Variants in PDE11A observed in about 807,000 individuals in gnomAD.
PDE11A encodes the protein dual 3',5'-cyclic-AMP and -GMP phosphodiesterase 11A.
In PDE11A, 100 loss-of-function variants were observed where a neutral mutation model predicts 100.5. The observed-to-expected ratio is 1.00, with a 90% CI of 0.85 to 1.18. The LOEUF is 1.18. PDE11A is among the 50% of genes most tolerant of loss of function. The pLI, the probability that PDE11A is intolerant of heterozygous loss-of-function variation, is 0.00. For missense variants in PDE11A, 1,141 were observed against 1,152.6 expected, an observed-to-expected ratio of 0.99 and a Z score of 0.15; for synonymous variants, 381 against 420.8, an observed-to-expected ratio of 0.91 and a Z score of 1.16.
At chr2:177,790,779 T>C (rs1372437917) in intron 9 of PDE11A, among the ~76,000 whole-genome samples, 1 of 152,156 alleles carries the variant, frequency 6.6e-6, no homozygotes, top group Non-Finnish European at 1.5e-5. Flanking sequence ...AAAAGACGCA[T>C]GAAAAAATGC....
At chr2:177,726,869 G>A (rs570226267) in intron 12 of PDE11A, among the ~76,000 whole-genome samples, 140 of 151,870 alleles carry the variant, frequency 9.2e-4, no homozygotes, top group African/African-American at 3.1e-3. Context: ...AGATATGTAC[G>A]TACACATGTG....
intron 2 of PDE11A, among the ~76,000 whole-genome samples, chr2:177,981,947 T>A (rs1001285162): frequency 2.0e-5 from 3 of 150,968 alleles, no homozygotes; most frequent in Admixed American, 1.3e-4. Flanking sequence ...TATTGACTCC[T>A]TTGCCATTCT....
chr2:177,694,322 C>T lies in PDE11A; in HGVS notation c.2345+3010G>A, dbSNP rs1022840911. Among the ~76,000 whole-genome samples, 3 of 152,098 alleles carry T rather than the reference C, an allele frequency of 2.0e-5. No individual in the cohort carries two copies. The East Asian group carries it at 5.8e-4, about 29-fold the overall frequency. On this transcript the variant is annotated intron_variant, in intron 15 of 19. Coordinates refer to ENST00000286063, the MANE Select transcript of PDE11A (RefSeq NM_016953.4). ...GGAAAGATGGCTTGGGAAAATTCTT[C>T]TACTTTGAGGAAAATAACACAAGAT...
intron 1 of PDE11A, among the ~76,000 whole-genome samples, chr2:178,029,706 A>T (rs567487178): frequency 3.7e-4 from 56 of 152,344 alleles, no homozygotes; most frequent in Admixed American, 9.1e-4. Flanking sequence ...ATTGAAGACA[A>T]TTCAATATAT....
intron 4 of PDE11A, among the ~76,000 whole-genome samples, chr2:177,886,133 T>G (rs1012561648): frequency 6.6e-6 from 1 of 151,872 alleles, no homozygotes; most frequent in Non-Finnish European, 1.5e-5. Flanking sequence ...CTAAGAGAAG[T>G]GATAGGAATT....
intron 10 of PDE11A, among the ~76,000 whole-genome samples, chr2:177,762,316 C>T (rs535286312): frequency 6.6e-6 from 1 of 152,272 alleles, no homozygotes; most frequent in East Asian, 1.9e-4. Flanking sequence ...AACCCAAGCC[C>T]CTCTCACTGA....
chr2:178,021,097 G>T (rs913064036), intron 1 of PDE11A, among the ~76,000 whole-genome samples: 1 of 151,860 alleles, frequency 6.6e-6, no homozygotes, highest in African/African-American at 2.4e-5. Context: ...GAGTAGCTGG[G>T]ATTACAGGCA....
intron 4 of PDE11A, among the ~76,000 whole-genome samples, chr2:177,879,118 G>A (rs941826067): frequency 5.3e-5 from 8 of 152,188 alleles, no homozygotes; most frequent in African/African-American, 1.2e-4. Flanking sequence ...AATTTACAGC[G>A]TGGTAAGAGT....
intron 2 of PDE11A, among the ~76,000 whole-genome samples, chr2:177,983,995 A>G (rs1031127206): frequency 1.3e-5 from 2 of 152,160 alleles, no homozygotes; most frequent in South Asian, 2.1e-4. Context: ...CAAATTAGCA[A>G]TATACCTTCT....
At chr2:177,664,906 T>A (rs1453565325) in intron 18 of PDE11A, among the ~76,000 whole-genome samples, 1 of 152,162 alleles carries the variant, frequency 6.6e-6, no homozygotes, top group Non-Finnish European at 1.5e-5. Flanking sequence ...AGCCAAGCAA[T>A]CCCTTTGGTC....
intron 10 of PDE11A, among the ~76,000 whole-genome samples, chr2:177,757,673 G>A (rs967445648): frequency 2.0e-5 from 3 of 152,114 alleles, no homozygotes; most frequent in African/African-American, 4.8e-5. Flanking sequence ...CTCACCTTTC[G>A]TGGGTGTGGA....
intron 15 of PDE11A, among the ~76,000 whole-genome samples, chr2:177,682,003 T>C (rs559424971): frequency 6.6e-6 from 1 of 152,328 alleles, no homozygotes; most frequent in South Asian, 2.1e-4. Context: ...CTTTTCCTAA[T>C]CCAGGGGAGA....
chr2:177,730,247 T>G (rs2081663249), intron 10 of PDE11A, among the ~76,000 whole-genome samples: 1 of 152,090 alleles, frequency 6.6e-6, no homozygotes, highest in Non-Finnish European at 1.5e-5. Flanking sequence ...CCACGACAGA[T>G]CCCGGTGTGT....
At chr2:178,071,408 G>C in intron 1 of PDE11A, 118 bp downstream of exon 1, 1 of 1,283,640 alleles carries the variant, frequency 7.8e-7, no homozygotes, top group South Asian at 1.3e-5. Context: ...AATTTAAATA[G>C]CAAAATTTGT....
chr2:177,902,819 C>T (rs2084718367), intron 3 of PDE11A, among the ~76,000 whole-genome samples: 1 of 152,216 alleles, frequency 6.6e-6, no homozygotes, highest in Non-Finnish European at 1.5e-5. Context: ...GATTTCACCA[C>T]TGATTTTGGA....
At chr2:177,730,386 T>A (rs1343748203) in intron 10 of PDE11A, among the ~76,000 whole-genome samples, 1 of 152,218 alleles carries the variant, frequency 6.6e-6, no homozygotes, top group Non-Finnish European at 1.5e-5. Context: ...AGAAAAACAT[T>A]TTAAAATAAG....
intron 5 of PDE11A, among the ~76,000 whole-genome samples, chr2:177,851,371 C>T (rs903864590): frequency 6.6e-6 from 1 of 151,692 alleles, no homozygotes; most frequent in Admixed American, 6.6e-5. Flanking sequence ...GAACATCACA[C>T]ACCAGGCCTG....
intron 15 of PDE11A, among the ~76,000 whole-genome samples, chr2:177,683,831 C>G (rs1241719573): frequency 6.6e-6 from 1 of 151,888 alleles, no homozygotes; most frequent in Non-Finnish European, 1.5e-5. Context: ...GGTTTGGACC[C>G]ACACCGACCT....
intron 1 of PDE11A, among the ~76,000 whole-genome samples, chr2:178,053,468 C>G (rs546568923): frequency 1.3e-5 from 2 of 152,150 alleles, no homozygotes; most frequent in Admixed American, 6.5e-5. Context: ...CAGGGATGCC[C>G]TCTCTCACCA....
Sources: gnomAD v4.1 joint callset for allele counts (sites outside exome capture counted in the v4.1 genomes callset) on GRCh38, gnomAD v4.1.1 for gene constraint, MANE v1.5 for transcripts, NCBI Gene and HGNC (gene_info 2026-07-23, HGNC 2026-07-21) for gene names.